Variants in CELF2 observed in about 807,000 individuals in gnomAD.
CELF2 encodes the protein CUGBP Elav-like family member 2, also known as CUG triplet repeat RNA-binding protein 2.
In CELF2, 8 loss-of-function variants were observed where a neutral mutation model predicts 62.6. That is an observed-to-expected ratio of 0.13 (90% confidence interval 0.07 to 0.23). The LOEUF is 0.23. CELF2 is among the 10% of genes least tolerant of loss of function. CELF2 has a pLI of 1.00. For synonymous variants in CELF2, 258 were observed against 250.0 expected (o/e 1.03, Z -0.30); for missense variants, 333 against 671.0 (o/e 0.50, Z 5.56).
chr10:10,728,950 A>T, the CELF2 span, among the ~76,000 whole-genome samples: 1 of 152,226 alleles, frequency 6.6e-6, no homozygotes, highest in Non-Finnish European at 1.5e-5. Context: ...TATGTTGCTC[A>T]TAATGTCACT....
the CELF2 span, among the ~76,000 whole-genome samples, chr10:10,601,012 T>C: frequency 6.6e-6 from 1 of 152,102 alleles, no homozygotes; most frequent in South Asian, 2.1e-4. Flanking sequence ...TGGGAAGACA[T>C]CGTACAGCAG....
At chr10:10,528,899 C>T in the CELF2 span, among the ~76,000 whole-genome samples, 1 of 152,164 alleles carries the variant, frequency 6.6e-6, no homozygotes, top group Non-Finnish European at 1.5e-5. Context: ...GAGTAGCTAT[C>T]ATAGCACAGC....
intron 1 of CELF2, among the ~76,000 whole-genome samples, chr10:10,855,520 G>A (rs529972810): frequency 2.6e-5 from 4 of 152,302 alleles, no homozygotes; most frequent in Admixed American, 6.5e-5. Flanking sequence ...TCATATCACT[G>A]GCACATAAAT....
At chr10:10,565,628 G>A in the CELF2 span, among the ~76,000 whole-genome samples, 1 of 152,204 alleles carries the variant, frequency 6.6e-6, no homozygotes, top group African/African-American at 2.4e-5. Context: ...GATGCTTCTG[G>A]TGTAAGAATA....
chr10:10,582,326 AC>A, the CELF2 span, among the ~76,000 whole-genome samples: 1 of 152,120 alleles, frequency 6.6e-6, no homozygotes, highest in Non-Finnish European at 1.5e-5. Context: ...ATTGTTACAT[AC>A]CTTTTGGATA....
intron 12 of CELF2, 104 bp downstream of exon 12, chr10:11,326,083 C>A (rs140364458): frequency 4.4e-6 from 5 of 1,139,888 alleles, no homozygotes; most frequent in African/African-American, 1.6e-5. Context: ...GCCTTCCCCA[C>A]ATTGTGTTGG....
At chr10:10,503,055 T>C in the CELF2 span, among the ~76,000 whole-genome samples, 1 of 152,016 alleles carries the variant, frequency 6.6e-6, no homozygotes, top group African/African-American at 2.4e-5. Flanking sequence ...TCATTCTGAA[T>C]TGATTTTAGT....
chr10:11,047,591 A>G (rs1241205756), intron 1 of CELF2, among the ~76,000 whole-genome samples: 1 of 152,198 alleles, frequency 6.6e-6, no homozygotes, highest in Non-Finnish European at 1.5e-5. Context: ...TGATTCCTAA[A>G]GAAGCCTCAG....
chr10:10,568,031 A>C, the CELF2 span, among the ~76,000 whole-genome samples: 82 of 152,198 alleles, frequency 5.4e-4, no homozygotes, highest in East Asian at 1.9e-4. Flanking sequence ...GGGTATACAC[A>C]GAAGAAAGAA....
At chr10:10,736,391 TCTTTC>T in the CELF2 span, among the ~76,000 whole-genome samples, 670 of 85,950 alleles carry the variant, frequency 7.8e-3, 4 homozygotes, top group African/African-American at 0.027. Flanking sequence ...TTTCTTTCTT[TCTTTC>T]TTTTTTTTTT....
chr10:11,179,726 A>G (rs1048949414), intron 2 of CELF2, among the ~76,000 whole-genome samples: 4 of 151,968 alleles, frequency 2.6e-5, no homozygotes, highest in African/African-American at 9.7e-5. Flanking sequence ...TTGGGGAGAG[A>G]GCCTGTGACA....
At chr10:10,653,585 A>C in the CELF2 span, among the ~76,000 whole-genome samples, 2 of 130,888 alleles carry the variant, frequency 1.5e-5, no homozygotes, top group Non-Finnish European at 3.3e-5. Flanking sequence ...GCTCAACTAC[A>C]TGGAAACTGA....
chr10:11,204,813 A>G (rs1395733747), intron 2 of CELF2, among the ~76,000 whole-genome samples: 3 of 152,216 alleles, frequency 2.0e-5, no homozygotes, highest in Non-Finnish European at 2.9e-5. Flanking sequence ...AGCGTTTAGG[A>G]CATCACGTCT....
intron 2 of CELF2, among the ~76,000 whole-genome samples, chr10:10,974,068 T>C (rs2051064352): frequency 6.6e-6 from 1 of 152,208 alleles, no homozygotes; most frequent in African/African-American, 2.4e-5. Context: ...ATCTCAGCTC[T>C]CCCACTTTAG....
At chr10:11,101,198 A>G (rs2142531465) in intron 1 of CELF2, among the ~76,000 whole-genome samples, 1 of 152,284 alleles carries the variant, frequency 6.6e-6, no homozygotes, top group African/African-American at 2.4e-5. Context: ...TAGTTCGCTG[A>G]AAGGGATCAG....
At chr10:10,605,443 A>G in the CELF2 span, among the ~76,000 whole-genome samples, 1 of 152,236 alleles carries the variant, frequency 6.6e-6, no homozygotes, top group Non-Finnish European at 1.5e-5. Flanking sequence ...GTGAAGTAAT[A>G]AAAACATAAC....
At chr10:10,954,015 G>A (rs1423322485) in intron 2 of CELF2, among the ~76,000 whole-genome samples, 2 of 151,860 alleles carry the variant, frequency 1.3e-5, no homozygotes, top group South Asian at 2.1e-4. Flanking sequence ...GTGAAAAGAT[G>A]CATCACACAC....
intron 8 of CELF2, among the ~76,000 whole-genome samples, chr10:11,277,919 T>C (rs1011068565): frequency 1.3e-5 from 2 of 152,150 alleles, no homozygotes; most frequent in African/African-American, 4.8e-5. Flanking sequence ...TATAAAATGA[T>C]CTCTGCATCT....
the CELF2 span, among the ~76,000 whole-genome samples, chr10:10,722,602 A>T: frequency 6.6e-6 from 1 of 152,244 alleles, no homozygotes; most frequent in Admixed American, 6.5e-5. Context: ...TTTTATAATT[A>T]AAAACTTCTG....
Sources: gnomAD v4.1 joint callset for allele counts (sites outside exome capture counted in the v4.1 genomes callset) on GRCh38, gnomAD v4.1.1 for gene constraint, MANE v1.5 for transcripts, NCBI Gene and HGNC (gene_info 2026-07-23, HGNC 2026-07-21) for gene names.